IKZF3: variants seen among roughly 807,000 people sequenced by gnomAD.
IKZF3 encodes IKAROS family zinc finger 3.
A neutral mutation model predicts 49.0 loss-of-function variants in IKZF3; 10 were observed. The observed-to-expected ratio is 0.20, with a 90% CI of 0.13 to 0.35. The LOEUF (loss-of-function observed/expected upper bound fraction) is 0.35. Among genes scored for constraint, IKZF3 ranks in the 10% least tolerant of loss-of-function variants. The pLI is 1.00. For missense variants in IKZF3, 498 were observed against 664.8 expected, an observed-to-expected ratio of 0.75 and a Z score of 2.76; for synonymous variants, 209 against 228.2, an observed-to-expected ratio of 0.92 and a Z score of 0.76.
Position 39,864,285 on chromosome 17 carries a change from A to G in IKZF3, c.-159T>C. The G allele has an allele frequency of 1.3e-6, 1 of 766,138 alleles. No individual in the cohort carries two copies. 47.5% of individuals were successfully genotyped at this position (766,138 alleles called of 1,614,324 possible). The stretch of plus-strand genomic sequence containing the variant: ...GTCGGCGCAGACTGAAAAGGGCAGG[A>G]GCCGGCGACCTGCCGGTGCGCGGGG... On this transcript the variant is annotated 5_prime_UTR_variant, in exon 1 of 8. Transcript: ENST00000346872.
intron 6 of IKZF3, 136 bp downstream of exon 6, chr17:39,788,122 A>T: frequency 1.7e-6 from 1 of 599,790 alleles, no homozygotes. Context: ...CTTCCAACTT[A>T]CAGTTTGCTC....
rs1430529055 is a variant in IKZF3, at chr17:39,776,124, G to A, written c.826+1527C>T. 2.6e-5 allele frequency among the ~76,000 whole-genome samples: 4 copies of A among 152,058 alleles called. No homozygotes were observed. The East Asian group carries it at 7.7e-4, about 29-fold the overall frequency. Reference sequence around the variant, plus strand: ...AAATTAGCTGAGCCTGGTGGTGCGTGCCCATAGTTCCAGCTACTTGGGAGG... The same window carrying A: ...AAATTAGCTGAGCCTGGTGGTGCGTACCCATAGTTCCAGCTACTTGGGAGG... On this transcript the variant is annotated intron_variant, in intron 7 of 7. Transcript: ENST00000346872.
chr17:39,780,667 C>CTT (rs71355414), intron 6 of IKZF3, among the ~76,000 whole-genome samples: 4 of 146,858 alleles, frequency 2.7e-5, no homozygotes, highest in South Asian at 2.2e-4. Flanking sequence ...CAAAGCTCAG[C>CTT]TTTTTTTTTT....
chr17:39,850,955 C>CGT (rs1764317585), intron 1 of IKZF3, among the ~76,000 whole-genome samples: 2 of 134,790 alleles, frequency 1.5e-5, no homozygotes, highest in African/African-American at 5.6e-5. Context: ...ATTATATACA[C>CGT]GTATATTATA....
intron 1 of IKZF3, among the ~76,000 whole-genome samples, chr17:39,858,687 T>C (rs893159071): frequency 1.3e-5 from 2 of 152,130 alleles, no homozygotes; most frequent in African/African-American, 4.8e-5. Context: ...AGTTTTTAAA[T>C]ATCTCCTGGA....
intron 7 of IKZF3, among the ~76,000 whole-genome samples, chr17:39,774,254 G>A (rs1335672459): frequency 6.6e-6 from 1 of 152,148 alleles, no homozygotes; most frequent in African/African-American, 2.4e-5. Context: ...AAGGATTAAA[G>A]GGAATGACTC....
Position 39,777,763 on chromosome 17 carries a change from A to G in IKZF3, c.714T>C (p.Ser238=), listed in dbSNP as rs1360823285. 1 of 1,612,152 alleles carries G rather than the reference A, an allele frequency of 6.2e-7. No homozygotes were observed. The highest frequency in any genetic ancestry group is 2.2e-5 in the East Asian group (1 of 44,852). ...LQSTDPGDTA[S]AEARHIKAEM... ...CTGCTTTGATGTGTCTTGCCTCCGC[A>G]CTTGCTAGTTTGGAAAAATGTAAAA... The change falls in exon 7 of 8, where the codon AGT becomes AGC. Residue 238 remains serine, a synonymous_variant. Coordinates refer to ENST00000346872, the MANE Select transcript of IKZF3 (RefSeq NM_012481.5).
intron 1 of IKZF3, among the ~76,000 whole-genome samples, chr17:39,851,862 A>G (rs775404317): frequency 6.6e-6 from 1 of 152,196 alleles, no homozygotes; most frequent in African/African-American, 2.4e-5. Flanking sequence ...CCTAAACCTA[A>G]GAAATGCAAT....
Position 39,791,330 on chromosome 17 carries a change from C to T in IKZF3, c.592+86G>A. The T allele has an allele frequency of 2.1e-6, 3 of 1,397,488 alleles. No homozygotes were observed. In the South Asian group the frequency reaches 3.7e-5, roughly 17 times the overall value. The allele number at this position is 1,397,488 out of a possible 1,614,324, so 86.6% of individuals were successfully genotyped here. A position where few individuals can be genotyped will look rare whatever the true frequency, so the allele number is the denominator to read the frequency against. ...TCAGAACAAGAATGACAGATTGAAA[C>T]CTTCCTACTTAACTCTTTCTAGTTT... On this transcript the variant is annotated intron_variant, in intron 5 of 7. Transcript: ENST00000346872.
intron 1 of IKZF3, chr17:39,839,417 C>A (rs1428991852): frequency 6.7e-6 from 4 of 599,094 alleles, no homozygotes; most frequent in South Asian, 4.3e-5. Context: ...TGGAGTTGTA[C>A]CTGATTTTAT....
At chr17:39,768,745 C>T (rs2143603556) in intron 7 of IKZF3, among the ~76,000 whole-genome samples, 1 of 152,274 alleles carries the variant, frequency 6.6e-6, no homozygotes, top group African/African-American at 2.4e-5. Flanking sequence ...ATTTGGTTCA[C>T]ATTTTCTTTC....
intron 1 of IKZF3, among the ~76,000 whole-genome samples, chr17:39,833,007 G>A (rs1232633287): frequency 6.6e-6 from 1 of 152,002 alleles, no homozygotes; most frequent in East Asian, 1.9e-4. Flanking sequence ...AAAATATTAT[G>A]TATCAATAAA....
At chr17:39,793,050 T>C in intron 3 of IKZF3, 117 bp from the exon 4 acceptor site, 2 of 1,002,488 alleles carry the variant, frequency 2.0e-6, no homozygotes, top group Non-Finnish European at 2.9e-6. Context: ...AACAAAACAC[T>C]GTACATCTAC....
chr17:39,806,802 G>A (rs1415189955), intron 3 of IKZF3, among the ~76,000 whole-genome samples: 3 of 151,792 alleles, frequency 2.0e-5, no homozygotes, highest in Non-Finnish European at 4.4e-5. Context: ...AGTGATGGAA[G>A]GTGTCTCTTC....
At chr17:39,834,926 T>C (rs2062222106) in intron 1 of IKZF3, 2 of 355,470 alleles carry the variant, frequency 5.6e-6, no homozygotes, top group South Asian at 2.4e-5. Flanking sequence ...GGAGAAGCCA[T>C]GGGAGGGGGT....
At chr17:39,835,168 T>G (rs2062235540) in intron 1 of IKZF3, 7 of 495,674 alleles carry the variant, frequency 1.4e-5, no homozygotes, top group South Asian at 1.1e-4. Context: ...TAGCCCCTGG[T>G]GGTCTTCATA....
chr17:39,825,086 G>C (rs1159173154), intron 3 of IKZF3, among the ~76,000 whole-genome samples: 3 of 152,144 alleles, frequency 2.0e-5, no homozygotes, highest in Non-Finnish European at 4.4e-5. Flanking sequence ...TGCCATGATT[G>C]TAAGTTTTCT....
Position 39,777,744 on chromosome 17 carries a change from T to C in IKZF3, c.733A>G (p.Lys245Glu), listed in dbSNP as rs1205666571. The stretch of plus-strand genomic sequence containing the variant: ...GCTCTTTCACTTCCCATCTCTGCTT[T>C]GATGTGTCTTGCCTCCGCACTTGCT... The part of the protein sequence containing the change: ...DTASAEARHI[K>E]AEMGSERALV... The change falls in exon 7 of 8, where the codon AAA becomes GAA. Residue 245 changes from lysine to glutamate, a missense_variant. Physicochemically the swap from Lys to Glu is moderately conservative, Grantham distance 56. This residue lies in a region of IKZF3 where 317 missense variants were observed against 397.3 expected (regional missense o/e 0.80). Coordinates refer to ENST00000346872, the MANE Select transcript of IKZF3 (RefSeq NM_012481.5). The C allele has an allele frequency of 1.9e-6, 3 of 1,613,756 alleles. No individual in the cohort carries two copies. The highest frequency in any genetic ancestry group is 2.5e-6 in the Non-Finnish European group (3 of 1,179,898).
At chr17:39,837,385 T>A (rs2062323110) in intron 1 of IKZF3, among the ~76,000 whole-genome samples, 1 of 152,120 alleles carries the variant, frequency 6.6e-6, no homozygotes, top group Non-Finnish European at 1.5e-5. Flanking sequence ...TTGTCTTCAA[T>A]CTTATAGGAT....
Sources: allele counts gnomAD v4.1 joint callset (sites outside exome capture counted in the v4.1 genomes callset), GRCh38; gene constraint gnomAD v4.1.1; regional missense constraint gnomAD v4.1.1; transcripts MANE v1.5; gene names NCBI Gene and HGNC (gene_info 2026-07-23, HGNC 2026-07-21).